Variants in CDYL2 observed in about 807,000 individuals in gnomAD.
CDYL2 encodes the protein chromodomain Y-like protein 2.
CDYL2 carries 23 observed loss-of-function variants against 49.4 expected under a neutral mutation model. The observed-to-expected ratio is 0.47, with a 90% CI of 0.34 to 0.66. The LOEUF is 0.66. Among genes scored for constraint, CDYL2 ranks in the 30% least tolerant of loss-of-function variants. The pLI is 0.01. For missense variants in CDYL2, 678 were observed against 656.4 expected, an observed-to-expected ratio of 1.03 and a Z score of -0.36; for synonymous variants, 360 against 268.8, an observed-to-expected ratio of 1.34 and a Z score of -3.32.
chr16:80,685,430 TG>T (rs1312509351), intron 1 of CDYL2, among the ~76,000 whole-genome samples: 2 of 152,234 alleles, frequency 1.3e-5, no homozygotes, highest in African/African-American at 2.4e-5. Flanking sequence ...TATTTGAAAT[TG>T]CCTTGCAAGG....
intron 6 of CDYL2, 64 bp from the exon 7 acceptor site, chr16:80,604,610 C>T (rs1906250437): frequency 4.4e-6 from 7 of 1,581,712 alleles, no homozygotes; most frequent in South Asian, 1.1e-5. Context: ...AACTAGGTAC[C>T]TGGCCCATGG....
chr16:80,601,103 C>T lies in CDYL2; in HGVS notation c.*3285G>A, dbSNP rs4281727. On this transcript the variant is annotated 3_prime_UTR_variant, in exon 7 of 7. Coordinates refer to ENST00000570137, the MANE Select transcript of CDYL2 (RefSeq NM_152342.4). ...TGTTACCCAGACATTATTTCTATGCCGGAAGGGGCACATTAAGTACATCAG... is the reference window on the plus strand; with the variant it reads ...TGTTACCCAGACATTATTTCTATGCTGGAAGGGGCACATTAAGTACATCAG... 0.4 allele frequency: 60,186 copies of T among 152,064 alleles called. 13,201 individuals are homozygous for T. Among genetic ancestry groups the T allele is most frequent in the African/African-American group, 0.57 (23,720 of 41,484 alleles). 9.4% of individuals were successfully genotyped at this position (152,064 alleles called of 1,614,324 possible).
intron 2 of CDYL2, among the ~76,000 whole-genome samples, chr16:80,637,043 G>T (rs187467465): frequency 6.6e-6 from 1 of 152,090 alleles, no homozygotes; most frequent in African/African-American, 2.4e-5. Context: ...TCACACACCG[G>T]GGCTTGTCTG....
Position 80,604,157 on chromosome 16 carries a change from A to T in CDYL2, c.*231T>A. The T allele has an allele frequency of 3.5e-6, 2 of 571,100 alleles. No individual in the cohort carries two copies. Among genetic ancestry groups the T allele is most frequent in the Non-Finnish European group, 6.2e-6 (2 of 320,454 alleles). 35.4% of individuals were successfully genotyped at this position (571,100 alleles called of 1,614,324 possible). A position where few individuals can be genotyped will look rare whatever the true frequency, so the allele number is the denominator to read the frequency against. ...GCCCTGGGAAGATACAGCCTTGGACAGCTCTCTGGCCAGGAAGGGCAGGGA... is the reference window on the plus strand; with the variant it reads ...GCCCTGGGAAGATACAGCCTTGGACTGCTCTCTGGCCAGGAAGGGCAGGGA... On this transcript the variant is annotated 3_prime_UTR_variant, in exon 7 of 7. Transcript: ENST00000570137.
At chr16:80,719,812 C>T (rs747580235) in intron 1 of CDYL2, among the ~76,000 whole-genome samples, 1 of 152,218 alleles carries the variant, frequency 6.6e-6, no homozygotes, top group Non-Finnish European at 1.5e-5. Flanking sequence ...TGTCTGTCCA[C>T]ACAGGGATGA....
intron 1 of CDYL2, among the ~76,000 whole-genome samples, chr16:80,761,149 C>A (rs1363274686): frequency 6.6e-6 from 1 of 152,108 alleles, no homozygotes; most frequent in African/African-American, 2.4e-5. Context: ...GATTCTCAGG[C>A]CCCACCAGGG....
At chr16:80,641,300 G>C (rs1445031506) in intron 2 of CDYL2, among the ~76,000 whole-genome samples, 1 of 152,040 alleles carries the variant, frequency 6.6e-6, no homozygotes, top group Non-Finnish European at 1.5e-5. Context: ...GGAGAGAATG[G>C]CATGACATAT....
At chr16:80,737,849 C>T (rs1481262011) in intron 1 of CDYL2, among the ~76,000 whole-genome samples, 2 of 152,120 alleles carry the variant, frequency 1.3e-5, no homozygotes, top group Admixed American at 6.5e-5. Context: ...TTTTCTAATG[C>T]ATTTAGGGAC....
intron 1 of CDYL2, among the ~76,000 whole-genome samples, chr16:80,719,389 T>G (rs527709118): frequency 6.6e-6 from 1 of 152,162 alleles, no homozygotes; most frequent in Non-Finnish European, 1.5e-5. Flanking sequence ...AGTTGCTGTA[T>G]TAAGTGAGTG....
intron 1 of CDYL2, among the ~76,000 whole-genome samples, chr16:80,801,366 C>T (rs1396153208): frequency 2.6e-5 from 4 of 152,200 alleles, no homozygotes; most frequent in Admixed American, 2.0e-4. Context: ...ACAAAGTTTT[C>T]GTTTTCTGGT....
intron 5 of CDYL2, among the ~76,000 whole-genome samples, chr16:80,609,764 G>A (rs1906512387): frequency 6.6e-6 from 1 of 152,176 alleles, no homozygotes; most frequent in Non-Finnish European, 1.5e-5. Flanking sequence ...TTTGAAGAGA[G>A]AACTTAGGGG....
intron 1 of CDYL2, among the ~76,000 whole-genome samples, chr16:80,710,877 C>T (rs1357378543): frequency 6.6e-6 from 1 of 152,136 alleles, no homozygotes; most frequent in Non-Finnish European, 1.5e-5. Context: ...ATATCATATA[C>T]CCAGCACAGT....
intron 1 of CDYL2, chr16:80,735,135 G>A (rs911887768): frequency 6.6e-6 from 1 of 152,152 alleles, no homozygotes; most frequent in African/African-American, 2.4e-5. Flanking sequence ...GAACTTCTCA[G>A]AAGAACACAA....
In CDYL2 at chr16:80,631,243, G is replaced by A. The variant is rs74340683; in HGVS notation, c.834+1776C>T. 8.3e-3 allele frequency among the ~76,000 whole-genome samples: 1,270 copies of A among 152,232 alleles called. 28 individuals are homozygous for A. Among genetic ancestry groups the A allele is most frequent in the African/African-American group, 0.029 (1,194 of 41,532 alleles). ...AATCCTACATCAGAAGGGAGGTGAC[G>A]AAATGACATGAGATAAACAGCAAAT... On this transcript the variant is annotated intron_variant, in intron 3 of 6. Transcript: ENST00000570137.
At chr16:80,686,994 C>G (rs1463325472) in intron 1 of CDYL2, among the ~76,000 whole-genome samples, 2 of 152,214 alleles carry the variant, frequency 1.3e-5, no homozygotes, top group Non-Finnish European at 2.9e-5. Flanking sequence ...AATCCAATAT[C>G]CAACCTTTGG....
intron 1 of CDYL2, among the ~76,000 whole-genome samples, chr16:80,687,295 G>C (rs1331174827): frequency 6.6e-6 from 1 of 152,134 alleles, no homozygotes; most frequent in East Asian, 1.9e-4. Flanking sequence ...CTCACTTCCC[G>C]GGATGGAGAA....
chr16:80,706,491 A>G (rs1386890508), intron 1 of CDYL2, among the ~76,000 whole-genome samples: 1 of 152,194 alleles, frequency 6.6e-6, no homozygotes, highest in African/African-American at 2.4e-5. Flanking sequence ...GGGAATCATG[A>G]TCACATTGTT....
At chr16:80,702,718 C>G (rs941726392) in intron 1 of CDYL2, among the ~76,000 whole-genome samples, 6 of 152,312 alleles carry the variant, frequency 3.9e-5, no homozygotes, top group Admixed American at 2.0e-4. Flanking sequence ...CCACTGCATT[C>G]CAGCCTGGGT....
In CDYL2 at chr16:80,676,969, T is replaced by A. The variant is rs1159516957; in HGVS notation, c.616+7569A>T. ...TTAACAACCAATTCAATGTATTTTTTTTTTTTTTTTTTTTTTTTTGAGACA... is the reference window on the plus strand; with the variant it reads ...TTAACAACCAATTCAATGTATTTTTATTTTTTTTTTTTTTTTTTTGAGACA... On this transcript the variant is annotated intron_variant, in intron 2 of 6. Coordinates refer to ENST00000570137, the MANE Select transcript of CDYL2 (RefSeq NM_152342.4). Among the ~76,000 whole-genome samples the A allele has an allele frequency of 2.9e-5, 4 of 138,846 alleles. No homozygotes were observed. In the South Asian group the frequency reaches 9.9e-4, roughly 34 times the overall value. 91.1% of individuals were successfully genotyped at this position (138,846 alleles called of 152,430 possible).
Sources: gnomAD v4.1 joint callset for allele counts (sites outside exome capture counted in the v4.1 genomes callset) on GRCh38, gnomAD v4.1.1 for gene constraint, MANE v1.5 for transcripts, NCBI Gene and HGNC (gene_info 2026-07-23, HGNC 2026-07-21) for gene names.